The following EPM2A variants were observed in gnomAD, a reference collection of about 807,000 sequenced individuals.
The protein encoded by EPM2A is EPM2A glucan phosphatase, laforin, also known as laforin.
EPM2A carries 21 observed loss-of-function variants against 26.5 expected under a neutral mutation model. The observed-to-expected ratio is 0.79, with a 90% CI of 0.56 to 1.14. EPM2A has a LOEUF of 1.14. Ranked by LOEUF, EPM2A falls within the 50% of genes most tolerant of loss-of-function variation. The pLI, the probability that EPM2A is intolerant of heterozygous loss-of-function variation, is 0.00. For missense variants in EPM2A, 458 were observed against 440.8 expected, an observed-to-expected ratio of 1.04 and a Z score of -0.35; for synonymous variants, 217 against 177.6, an observed-to-expected ratio of 1.22 and a Z score of -1.76.
intron 2 of EPM2A, among the ~76,000 whole-genome samples, chr6:145,599,579 G>T (rs1177794415): frequency 6.6e-6 from 1 of 151,478 alleles, no homozygotes; most frequent in Non-Finnish European, 1.5e-5. Context: ...ACAATAATTT[G>T]ATCTTTTAAA....
chr6:145,583,944 G>A (rs1781151736), intron 2 of EPM2A, among the ~76,000 whole-genome samples: 1 of 152,210 alleles, frequency 6.6e-6, no homozygotes, highest in Admixed American at 6.5e-5. Context: ...TGGTGGGGGG[G>A]TGAGGTTCAG....
upstream of EPM2A, chr6:145,735,721 CTT>C: frequency 2.3e-6 from 2 of 872,956 alleles, no homozygotes; most frequent in African/African-American, 1.8e-5. Flanking sequence ...CTAGCTGCCT[CTT>C]TGTGCCCCGC....
intron 4 of EPM2A, among the ~76,000 whole-genome samples, chr6:145,461,414 A>T (rs1042353956): frequency 3.3e-5 from 5 of 152,192 alleles, no homozygotes; most frequent in Non-Finnish European, 5.9e-5. Flanking sequence ...AGTTTGTGAA[A>T]GCCACAGAAA....
intron 4 of EPM2A, among the ~76,000 whole-genome samples, chr6:145,446,312 T>C (rs1455104256): frequency 6.6e-6 from 1 of 152,234 alleles, no homozygotes; most frequent in Non-Finnish European, 1.5e-5. Flanking sequence ...TGAAACACTA[T>C]GATATCAAGT....
At chr6:145,499,916 T>C (rs946257170), downstream of EPM2A, among the ~76,000 whole-genome samples, 6 of 152,270 alleles carry the variant, frequency 3.9e-5, no homozygotes, top group South Asian at 2.1e-4. Flanking sequence ...TCTCTGTTCC[T>C]GGAGCACGAA....
chr6:145,638,361 G>C (rs925168395), intron 2 of EPM2A: 1 of 152,186 alleles, frequency 6.6e-6, no homozygotes, highest in African/African-American at 2.4e-5. Flanking sequence ...TCAGTCTATA[G>C]AGTCACATGT....
intron 4 of EPM2A, chr6:145,491,146 G>T: frequency 1.8e-6 from 1 of 549,794 alleles, no homozygotes; most frequent in South Asian, 1.5e-5. Flanking sequence ...TAATGGAGCT[G>T]AGTTTTCTTT....
intron 4 of EPM2A, among the ~76,000 whole-genome samples, chr6:145,459,446 C>G (rs930512038): frequency 1.3e-5 from 2 of 152,188 alleles, no homozygotes; most frequent in Non-Finnish European, 2.9e-5. Flanking sequence ...GTTTATTACA[C>G]TTCCATATTT....
chr6:145,507,435 C>G (rs1779991705), intron 2 of EPM2A, among the ~76,000 whole-genome samples: 1 of 152,132 alleles, frequency 6.6e-6, no homozygotes, highest in Non-Finnish European at 1.5e-5. Context: ...GTCAGTCTCC[C>G]TTGGTGATTC....
chr6:145,401,229 G>A (rs1037510608), intron 4 of EPM2A, among the ~76,000 whole-genome samples: 1 of 151,946 alleles, frequency 6.6e-6, no homozygotes, highest in Non-Finnish European at 1.5e-5. Context: ...CAATTAAGGA[G>A]AAAATAAAAA....
intron 2 of EPM2A, among the ~76,000 whole-genome samples, chr6:145,582,152 T>C (rs1781123105): frequency 6.6e-6 from 1 of 151,944 alleles, no homozygotes. Flanking sequence ...TTGTTTTCAT[T>C]AGATTCAAAT....
intron 4 of EPM2A, among the ~76,000 whole-genome samples, chr6:145,423,303 T>G (rs1778812644): frequency 6.6e-6 from 1 of 152,154 alleles, no homozygotes; most frequent in African/African-American, 2.4e-5. Flanking sequence ...ATTATCAAAT[T>G]TTATGTTTTG....
At position 145,482,865 on chromosome 6, in the gene EPM2A, CT is replaced by C. The variant is rs10668205; in HGVS notation, c.555+19656del. ...ATTTATGTCTTAAATTATAGCTATT[CT>C]TTTTTTTTTTTCTGTGGCTTAAAGA... On this transcript the variant is annotated intron_variant, in intron 4 of 4. Coordinates refer to the EPM2A transcript ENST00000638717. Among the ~76,000 whole-genome samples, 30 of 147,496 alleles carry C rather than the reference CT, an allele frequency of 2.0e-4. 1 individual carries two copies. The highest frequency in any genetic ancestry group is 7.4e-4 in the Admixed American group (11 of 14,790).
downstream of EPM2A, chr6:145,625,281 T>C (rs1310316718): frequency 6.3e-6 from 1 of 158,850 alleles, no homozygotes; most frequent in Non-Finnish European, 1.4e-5. Context: ...GCTGATAACA[T>C]TTTAAAAATC....
At chr6:145,508,198 G>T (rs1780005502) in intron 2 of EPM2A, among the ~76,000 whole-genome samples, 1 of 152,174 alleles carries the variant, frequency 6.6e-6, no homozygotes, top group East Asian at 1.9e-4. Flanking sequence ...CTTCCAGGTG[G>T]GGCCTGGGGA....
intron 1 of EPM2A, among the ~76,000 whole-genome samples, chr6:145,732,438 A>C (rs951815499): frequency 1.3e-5 from 2 of 151,476 alleles, no homozygotes; most frequent in Non-Finnish European, 2.9e-5. Context: ...ATATATCAGA[A>C]AGCCATATAT....
At chr6:145,615,895 G>A (rs1019318667) in intron 2 of EPM2A, among the ~76,000 whole-genome samples, 1 of 152,152 alleles carries the variant, frequency 6.6e-6, no homozygotes, top group African/African-American at 2.4e-5. Context: ...TGTGACTCGG[G>A]TGCTGTTAAA....
chr6:145,425,234 C>T (rs909951992), intron 4 of EPM2A, among the ~76,000 whole-genome samples: 5 of 151,690 alleles, frequency 3.3e-5, no homozygotes, highest in African/African-American at 7.3e-5. Flanking sequence ...AGTGCAGTGG[C>T]GTGATCTCGG....
intron 4 of EPM2A, among the ~76,000 whole-genome samples, chr6:145,450,411 C>T (rs547750143): frequency 6.2e-4 from 93 of 149,932 alleles, no homozygotes; most frequent in Non-Finnish European, 1.0e-3. Context: ...ATTGGCACAA[C>T]CACTAACATA....
Sources: gnomAD v4.1 joint callset for allele counts (sites outside exome capture counted in the v4.1 genomes callset) on GRCh38, gnomAD v4.1.1 for gene constraint, MANE v1.5 for transcripts, NCBI Gene and HGNC (gene_info 2026-07-23, HGNC 2026-07-21) for gene names.